The following KDF1 variants were observed in gnomAD, a reference collection of about 807,000 sequenced individuals.
The protein encoded by KDF1 is keratinocyte differentiation factor 1, also known as RP11-344H11.3.
Under a neutral mutation model 31.6 loss-of-function variants are expected in KDF1, and 11 were observed. That is an observed-to-expected ratio of 0.35 (90% CI 0.22 to 0.58). The LOEUF is 0.58. Ranked by LOEUF, KDF1 falls within the 20% of genes least tolerant of loss-of-function variation. KDF1 has a pLI of 0.83. For missense variants in KDF1, 476 were observed against 549.1 expected (o/e 0.87, Z 1.33); for synonymous variants, 205 against 214.4 (o/e 0.96, Z 0.38).
Position 26,952,545 on chromosome 1 carries a change from C to T in KDF1, c.-32-133G>A. ...GATGGACCCAAGTATGCCCAAAAAC[C>T]CTTGCCTGGGATGTGGATGGACCCA... On this transcript the variant is annotated intron_variant, in intron 1 of 3. Transcript: ENST00000320567. This position sits in a 1 kb window ranked among gnomAD's most constrained non-coding sequence, Gnocchi z 4.1. 1 of 608,394 alleles carries T rather than the reference C, an allele frequency of 1.6e-6. No homozygotes were observed. The highest frequency in any genetic ancestry group is 2.6e-6 in the Non-Finnish European group (1 of 388,360). The allele number at this position is 608,394 out of a possible 1,614,324, so 37.7% of individuals were successfully genotyped here.
Position 26,949,811 on chromosome 1 carries a change from G to T in KDF1, c.*258C>A. 2 of 442,900 alleles carry T rather than the reference G, an allele frequency of 4.5e-6. No individual in the cohort carries two copies. The highest frequency in any genetic ancestry group is 4.5e-5 in the East Asian group (1 of 22,194). 27.4% of individuals were successfully genotyped at this position (442,900 alleles called of 1,614,324 possible). On this transcript the variant is annotated 3_prime_UTR_variant, in exon 4 of 4. Coordinates refer to ENST00000320567, the MANE Select transcript of KDF1 (RefSeq NM_152365.3). The stretch of plus-strand genomic sequence containing the variant: ...TAATGCCTAACTCCTTACTTTCCAT[G>T]ATCAGGCCACCTGAAGACCATGAGC...
At chr1:26,959,659 T>C (rs1045920851) in intron 1 of KDF1, among the ~76,000 whole-genome samples, 3 of 151,094 alleles carry the variant, frequency 2.0e-5, no homozygotes, top group African/African-American at 7.3e-5. Context: ...GCTTTCCTCT[T>C]CCCCCTTAGT....
rs1383469377 is a variant in KDF1, at chr1:26,950,513, C to A, written c.1114+169G>T. On this transcript the variant is annotated intron_variant, in intron 3 of 3. Coordinates refer to ENST00000320567, the MANE Select transcript of KDF1 (RefSeq NM_152365.3). The surrounding 1 kb of genome is among the most constrained non-coding windows in gnomAD (Gnocchi z 4.0). The stretch of plus-strand genomic sequence containing the variant: ...AGCTTGCCTGTTCTGGGCACCTGCA[C>A]CCACTTTAAGCCAGCTTGCTAGATG... Among the ~76,000 whole-genome samples the A allele has an allele frequency of 2.6e-5, 4 of 152,166 alleles. No homozygotes were observed. The highest frequency in any genetic ancestry group is 4.4e-5 in the Non-Finnish European group (3 of 68,032).
At position 26,951,958 on chromosome 1, in the gene KDF1, T is replaced by C. The variant is rs753510550; in HGVS notation, c.423A>G (p.Ala141=). Residue 141 remains alanine, a synonymous_variant, in exon 2 of 4, where the codon GCA becomes GCG. Transcript: ENST00000320567. This position sits in a 1 kb window ranked among gnomAD's most constrained non-coding sequence, Gnocchi z 5.4. ...GCTGGCCATCCCGCCGGCTGGGGGG[T>C]GCACGATCAGGGCTGGGGGGCACTC... ...HNGVPPSPDR[A]PPSRRDGQRL... 62 of 1,605,262 alleles carry C rather than the reference T, an allele frequency of 3.9e-5. 1 individual carries two copies. The East Asian group carries it at 1.4e-3, about 36-fold the overall frequency.
At position 26,950,161 on chromosome 1, in the gene KDF1, A is replaced by G. The variant is rs778153781; in HGVS notation, c.1115-10T>C. Reference sequence around the variant, plus strand: ...TGGCTTGCTGGGTACCCTGGTAGGAAGGAGAGGAGAGGAGGAAACAGGCTC... The same window carrying G: ...TGGCTTGCTGGGTACCCTGGTAGGAGGGAGAGGAGAGGAGGAAACAGGCTC... On this transcript the variant is annotated splice_polypyrimidine_tract_variant and intron_variant, in intron 3 of 3. Coordinates refer to ENST00000320567, the MANE Select transcript of KDF1 (RefSeq NM_152365.3). This position sits in a 1 kb window ranked among gnomAD's most constrained non-coding sequence, Gnocchi z 4.0. The G allele has an allele frequency of 1.9e-6, 3 of 1,606,812 alleles. No homozygotes were observed. The highest frequency in any genetic ancestry group is 2.6e-6 in the Non-Finnish European group (3 of 1,173,678).
At chr1:26,959,511 G>A (rs1281750067) in intron 1 of KDF1, among the ~76,000 whole-genome samples, 1 of 152,134 alleles carries the variant, frequency 6.6e-6, no homozygotes, top group African/African-American at 2.4e-5. Context: ...AGATTTAAAT[G>A]AAATATTGAG....
At chr1:26,956,750 G>A (rs1448834069) in intron 1 of KDF1, among the ~76,000 whole-genome samples, 1 of 152,098 alleles carries the variant, frequency 6.6e-6, no homozygotes, top group East Asian at 1.9e-4. Context: ...ATAAGATAAT[G>A]TTCTATTCTT....
rs1394445206 is a variant in KDF1 at position 26,950,081 on chromosome 1, C to T, written c.1185G>A (p.Gln395=). 1.9e-6 allele frequency: 3 copies of T among 1,613,830 alleles called. No homozygotes were observed. The highest frequency in any genetic ancestry group is 2.5e-6 in the Non-Finnish European group (3 of 1,179,788). The part of the protein sequence containing the change: ...DTDSSGAPLL[Q]VYC Reference sequence around the variant, plus strand: ...GGCCTGGCAGGGGTTAGCAGTACACCTGGAGCAAGGGTGCCCCCGACGAGT... The same window carrying T: ...GGCCTGGCAGGGGTTAGCAGTACACTTGGAGCAAGGGTGCCCCCGACGAGT... The change falls in exon 4 of 4, where the codon CAG becomes CAA. Residue 395 remains glutamine, a synonymous_variant. Coordinates refer to ENST00000320567, the MANE Select transcript of KDF1 (RefSeq NM_152365.3). This position sits in a 1 kb window ranked among gnomAD's most constrained non-coding sequence, Gnocchi z 4.0.
chr1:26,952,457 G>A lies in KDF1; in HGVS notation c.-32-45C>T, dbSNP rs1433254783. 2 of 1,328,340 alleles carry A rather than the reference G, an allele frequency of 1.5e-6. No individual in the cohort carries two copies. The highest frequency in any genetic ancestry group is 2.9e-5 in the African/African-American group (2 of 67,904). The allele number at this position is 1,328,340 out of a possible 1,614,324, so 82.3% of individuals were successfully genotyped here. On this transcript the variant is annotated intron_variant, in intron 1 of 3. Transcript: ENST00000320567. This position sits in a 1 kb window ranked among gnomAD's most constrained non-coding sequence, Gnocchi z 4.1. ...GAAGGAGTCAGGATCAGAGGTGAGG[G>A]ACAAACTCCTGGGCTGACTTGAGCA...
chr1:26,952,616 G>A lies in KDF1; in HGVS notation c.-32-204C>T, dbSNP rs189770339. ...TCTCTTGTGGCCCTCCCTCCACAAA[G>A]AGAAAGTCTCTGTGGTCTAACCCAG... On this transcript the variant is annotated intron_variant, in intron 1 of 3. Transcript: ENST00000320567. This position sits in a 1 kb window ranked among gnomAD's most constrained non-coding sequence, Gnocchi z 4.1. Among the ~76,000 whole-genome samples the A allele has an allele frequency of 2.0e-5, 3 of 151,402 alleles. No individual in the cohort carries two copies. In the South Asian group the frequency reaches 6.2e-4, roughly 31 times the overall value.
At chr1:26,955,966 C>G (rs765575191) in intron 1 of KDF1, among the ~76,000 whole-genome samples, 3 of 151,920 alleles carry the variant, frequency 2.0e-5, no homozygotes, top group African/African-American at 4.8e-5. Flanking sequence ...AACAAACAAA[C>G]AAAGTTTGTA....
intron 1 of KDF1, among the ~76,000 whole-genome samples, chr1:26,956,539 C>T (rs1236960195): frequency 9.2e-5 from 14 of 152,076 alleles, no homozygotes; most frequent in Non-Finnish European, 1.9e-4. Flanking sequence ...GTCAAAAATG[C>T]ATAACCTGAA....
At chr1:26,953,937 A>G (rs2082363991) in intron 1 of KDF1, among the ~76,000 whole-genome samples, 1 of 151,674 alleles carries the variant, frequency 6.6e-6, no homozygotes, top group African/African-American at 2.4e-5. Flanking sequence ...CCTGGGCAAC[A>G]AAGCCAGACC....
intron 1 of KDF1, among the ~76,000 whole-genome samples, chr1:26,957,006 A>C (rs1255988312): frequency 6.6e-6 from 1 of 152,160 alleles, no homozygotes; most frequent in East Asian, 1.9e-4. Flanking sequence ...AGCTCAATGA[A>C]GCCTCAAACA....
rs529477572 is a variant in KDF1, at chr1:26,952,908, C to T, written c.-32-496G>A. Reference sequence around the variant, plus strand: ...CTGAGGCAGGAGAATCGCTTGAACCCGGGTGGCAGAGGTTGCAGTGAGCCA... The same window carrying T: ...CTGAGGCAGGAGAATCGCTTGAACCTGGGTGGCAGAGGTTGCAGTGAGCCA... On this transcript the variant is annotated intron_variant, in intron 1 of 3. Coordinates refer to ENST00000320567, the MANE Select transcript of KDF1 (RefSeq NM_152365.3). The surrounding 1 kb of genome is among the most constrained non-coding windows in gnomAD (Gnocchi z 4.1). Among the ~76,000 whole-genome samples the T allele has an allele frequency of 8.6e-5, 13 of 151,548 alleles. No individual in the cohort carries two copies. The highest frequency in any genetic ancestry group is 3.4e-3 in the Middle Eastern group (1 of 290).
intron 1 of KDF1, among the ~76,000 whole-genome samples, chr1:26,955,293 C>T (rs1358435990): frequency 1.3e-5 from 2 of 152,204 alleles, no homozygotes; most frequent in Non-Finnish European, 2.9e-5. Flanking sequence ...TCAACAAATG[C>T]CTTTCCATAA....
rs750291170 is a variant in KDF1, at chr1:26,950,634, T to C, written c.1114+48A>G. 2 of 1,529,568 alleles carry C rather than the reference T, an allele frequency of 1.3e-6. No individual in the cohort carries two copies. Among genetic ancestry groups the C allele is most frequent in the South Asian group, 2.2e-5 (2 of 89,270 alleles). 94.7% of individuals were successfully genotyped at this position (1,529,568 alleles called of 1,614,324 possible). A position where few individuals can be genotyped will look rare whatever the true frequency, so the allele number is the denominator to read the frequency against. On this transcript the variant is annotated intron_variant, in intron 3 of 3. Transcript: ENST00000320567. The surrounding 1 kb of genome is among the most constrained non-coding windows in gnomAD (Gnocchi z 4.0). Reference sequence around the variant, plus strand: ...GGGAGAGCAGCAGGTGAGGGGCCCCTAGGGTAGTCCCCCACCCTCCACACC... The same window carrying C: ...GGGAGAGCAGCAGGTGAGGGGCCCCCAGGGTAGTCCCCCACCCTCCACACC...
At position 26,950,067 on chromosome 1, in the gene KDF1, G is replaced by C; in HGVS notation, c.*2C>G. 5.0e-6 allele frequency: 8 copies of C among 1,613,066 alleles called. No individual in the cohort carries two copies. The highest frequency in any genetic ancestry group is 6.8e-6 in the Non-Finnish European group (8 of 1,179,114). On this transcript the variant is annotated 3_prime_UTR_variant, in exon 4 of 4. Transcript: ENST00000320567. This position sits in a 1 kb window ranked among gnomAD's most constrained non-coding sequence, Gnocchi z 4.0. Reference sequence around the variant, plus strand: ...GGGTGTGGCAGCTGGGCCTGGCAGGGGTTAGCAGTACACCTGGAGCAAGGG... The same window carrying C: ...GGGTGTGGCAGCTGGGCCTGGCAGGCGTTAGCAGTACACCTGGAGCAAGGG...
intron 1 of KDF1, among the ~76,000 whole-genome samples, chr1:26,953,445 T>C (rs1313915260): frequency 6.6e-6 from 1 of 152,178 alleles, no homozygotes; most frequent in Non-Finnish European, 1.5e-5. Context: ...GAGCAGGGAC[T>C]CAGATGTTTA....
Sources: gnomAD v4.1 joint callset for allele counts (sites outside exome capture counted in the v4.1 genomes callset) on GRCh38, gnomAD v4.1.1 for gene constraint, Gnocchi (gnomAD v3.1) non-coding constraint, MANE v1.5 for transcripts, NCBI Gene and HGNC (gene_info 2026-07-23, HGNC 2026-07-21) for gene names.